The following ITGA10 variants were observed in gnomAD, a reference collection of about 807,000 sequenced individuals.
ITGA10 encodes integrin subunit alpha 10.
A neutral mutation model predicts 145.2 loss-of-function variants in ITGA10; 105 were observed. The ratio of observed to expected loss-of-function variants is 0.72; its 90% confidence interval spans 0.62 to 0.85. ITGA10 has a LOEUF of 0.85. ITGA10 is among the 40% of genes least tolerant of loss of function. The probability of loss-of-function intolerance (pLI) is 0.00; values close to 1 mark genes in which losing one functional copy is unlikely to be tolerated. For synonymous variants in ITGA10, 506 were observed against 557.8 expected, an observed-to-expected ratio of 0.91 and a Z score of 1.31; for missense variants, 1,317 against 1,444.5, an observed-to-expected ratio of 0.91 and a Z score of 1.43.
At chr1:145,895,242 G>C in intron 27 of ITGA10, 38 bp downstream of exon 27, 1 of 1,439,704 alleles carries the variant, frequency 6.9e-7, no homozygotes, top group Non-Finnish European at 9.7e-7. Context: ...TTCCAGAAAG[G>C]AGCAGAAGTG....
chr1:145,893,085 G>T, intron 29 of ITGA10, 76 bp downstream of exon 29: 2 of 1,182,514 alleles, frequency 1.7e-6, no homozygotes, highest in Non-Finnish European at 2.5e-6. Flanking sequence ...CACAAATCCT[G>T]TTCTCTCTGC....
At chr1:145,895,050 C>T (rs60252179) in intron 27 of ITGA10, among the ~76,000 whole-genome samples, 1 of 152,074 alleles carries the variant, frequency 6.6e-6, no homozygotes, top group Non-Finnish European at 1.5e-5. Flanking sequence ...CACCATATGT[C>T]CAGCTCATTA....
intron 26 of ITGA10, 38 bp from the exon 27 acceptor site, chr1:145,895,431 G>A (rs1570841541): frequency 6.5e-7 from 1 of 1,548,226 alleles, no homozygotes. Context: ...TCAGGACTCT[G>A]GGGTAGAAAC....
rs1553746423 is a variant in ITGA10, at chr1:145,898,852, T to G, written c.2232+84A>C. The G allele has an allele frequency of 2.7e-6, 4 of 1,494,190 alleles. No homozygotes were observed. In the East Asian group the frequency reaches 9.1e-5, roughly 34 times the overall value. 92.6% of individuals were successfully genotyped at this position (1,494,190 alleles called of 1,614,324 possible). A position where few individuals can be genotyped will look rare whatever the true frequency, so the allele number is the denominator to read the frequency against. On this transcript the variant is annotated intron_variant, in intron 17 of 29. Transcript: ENST00000369304. ...ATTTTCCCGGCTTTGGCTTTCTTGC[T>G]GATTCAGCTAAAATTCCTCCTCTGA...
At chr1:145,892,898 C>T in intron 29 of ITGA10, 35 bp from the exon 30 acceptor site, 1 of 1,560,380 alleles carries the variant, frequency 6.4e-7, no homozygotes, top group Non-Finnish European at 8.8e-7. Context: ...CTGCCAAATG[C>T]CTAGACTGGG....
rs185073199 is a variant in ITGA10, at chr1:145,898,360, A to T, written c.2233-137T>A. 2,887 of 354,640 alleles carry T rather than the reference A, an allele frequency of 8.1e-3. 27 individuals are homozygous for T. The highest frequency in any genetic ancestry group is 8.4e-3 in the Non-Finnish European group (1,666 of 197,704). 22.0% of individuals were successfully genotyped at this position (354,640 alleles called of 1,614,324 possible). ...TATTACTAAATTTAATTAATTAGTT[A>T]ATTTATTTATTTATTTATTTATTTT... On this transcript the variant is annotated intron_variant, in intron 17 of 29. Coordinates refer to ENST00000369304, the MANE Select transcript of ITGA10 (RefSeq NM_003637.5).
At chr1:145,900,380 GC>G (rs1157299662) in intron 14 of ITGA10, among the ~76,000 whole-genome samples, 193 bp from the exon 15 acceptor site, 1 of 152,130 alleles carries the variant, frequency 6.6e-6, no homozygotes, top group Non-Finnish European at 1.5e-5. Flanking sequence ...CGATTCTCCT[GC>G]CCTAGCCTCC....
At position 145,897,625 on chromosome 1, in the gene ITGA10, G is replaced by A. The variant is rs782220248; in HGVS notation, c.2461C>T (p.Arg821Trp). 24 of 1,614,030 alleles carry A rather than the reference G, an allele frequency of 1.5e-5. No individual in the cohort carries two copies. Among genetic ancestry groups the A allele is most frequent in the Middle Eastern group, 1.6e-4 (1 of 6,062 alleles). The change falls in exon 20 of 30, where the codon CGG becomes TGG. Residue 821 changes from arginine to tryptophan, a missense_variant. Arg to Trp is a moderately radical substitution (Grantham distance 101). Coordinates refer to ENST00000369304, the MANE Select transcript of ITGA10 (RefSeq NM_003637.5). The part of the protein sequence containing the change: ...RKAPFVVRGG[R>W]RKVLVSTTLE... ...GTTGTAGATACCAGCACTTTCCGCCGGCCACCTCGAACCACAAATGGGGCC... is the reference window on the plus strand; with the variant it reads ...GTTGTAGATACCAGCACTTTCCGCCAGCCACCTCGAACCACAAATGGGGCC...
At position 145,904,036 on chromosome 1, in the gene ITGA10, C is replaced by T; in HGVS notation, c.758+16G>A. ...CATTGCTCTAGCCTCCCACACCTGT[C>T]TTCCCAATGCCTCACCAGGCCACCA... On this transcript the variant is annotated intron_variant, in intron 7 of 29. Transcript: ENST00000369304. 1 of 1,613,624 alleles carries T rather than the reference C, an allele frequency of 6.2e-7. No individual in the cohort carries two copies. Among genetic ancestry groups the T allele is most frequent in the Admixed American group, 1.7e-5 (1 of 59,996 alleles).
chr1:145,892,875 A>C lies in ITGA10; in HGVS notation c.3439-12T>G. 2.5e-6 allele frequency: 4 copies of C among 1,611,852 alleles called. No homozygotes were observed. Among genetic ancestry groups the C allele is most frequent in the Non-Finnish European group, 3.4e-6 (4 of 1,177,908 alleles). ...GCAAAGAAGCCAAGCTGTAGAAGAAAAGATAAGCGTCACTGCCAAATGCCT... is the reference window on the plus strand; with the variant it reads ...GCAAAGAAGCCAAGCTGTAGAAGAACAGATAAGCGTCACTGCCAAATGCCT... On this transcript the variant is annotated splice_polypyrimidine_tract_variant and intron_variant, in intron 29 of 29. Transcript: ENST00000369304.
chr1:145,900,152 G>A lies in ITGA10; in HGVS notation c.1827C>T (p.Ser609=), dbSNP rs587709543. ...IAAASMPHAL[S]YFGRSVDGRL... ...GACCATCCACACTTCGGCCAAAGTA[G>A]CTGAGGGCATGTGGCATGGAGGCAG... Residue 609 remains serine, a synonymous_variant, in exon 15 of 30, where the codon AGC becomes AGT. Transcript: ENST00000369304. 6.2e-7 allele frequency: 1 copy of A among 1,614,036 alleles called. No individual in the cohort carries two copies. Among genetic ancestry groups the A allele is most frequent in the East Asian group, 2.2e-5 (1 of 44,868 alleles).
intron 1 of ITGA10, 93 bp from the exon 2 acceptor site, chr1:145,907,558 C>T (rs927994786): frequency 1.3e-6 from 2 of 1,555,338 alleles, no homozygotes; most frequent in African/African-American, 1.4e-5. Flanking sequence ...TAATCTCAGT[C>T]TGCCTGCCTG....
Position 145,893,041 on chromosome 1 carries a change from G to T in ITGA10, c.3438+120C>A, listed in dbSNP as rs1553743707. 7.7e-6 allele frequency: 7 copies of T among 909,006 alleles called. No individual in the cohort carries two copies. The East Asian group carries it at 1.2e-4, about 16-fold the overall frequency. The allele number at this position is 909,006 out of a possible 1,614,324, so 56.3% of individuals were successfully genotyped here. A position where few individuals can be genotyped will look rare whatever the true frequency, so the allele number is the denominator to read the frequency against. On this transcript the variant is annotated intron_variant, in intron 29 of 29. Coordinates refer to ENST00000369304, the MANE Select transcript of ITGA10 (RefSeq NM_003637.5). ...TTGTGGGGTACAGTGAAGGAGATCT[G>T]GGCATGACATCCACAGCCTGGTTAG...
At position 145,901,684 on chromosome 1, in the gene ITGA10, C is replaced by G. The variant is rs1656341102; in HGVS notation, c.1295-20G>C. 1.3e-6 allele frequency: 2 copies of G among 1,544,666 alleles called. No individual in the cohort carries two copies. The highest frequency in any genetic ancestry group is 1.4e-5 in the African/African-American group (1 of 72,436). ...AGTAACCTAGAAGTGGGCAAAGTAA[C>G]AGAGGTAAAGGAAAAGAAGATGGGG... On this transcript the variant is annotated intron_variant, in intron 11 of 29. Transcript: ENST00000369304. The surrounding 1 kb of genome is among the most constrained non-coding windows in gnomAD (Gnocchi z 4.3).
chr1:145,899,078 T>C lies in ITGA10; in HGVS notation c.2090A>G (p.Tyr697Cys), dbSNP rs781798293. Residue 697 changes from tyrosine (Y) to cysteine (C), a missense_variant and splice_region_variant, in exon 17 of 30, where the codon TAC becomes TGC. By Grantham distance (194) the Tyr-to-Cys change is radical. Coordinates refer to ENST00000369304, the MANE Select transcript of ITGA10 (RefSeq NM_003637.5). ...RTPGRWDHQF[Y>C]MRFTASLDEW... The stretch of plus-strand genomic sequence containing the variant: ...ATCCAGTGATGCGGTGAACCTCATG[T>C]CTGAATGAAGGAGGCAAGAGTGAGG... 6.2e-7 allele frequency: 1 copy of C among 1,614,178 alleles called. No individual in the cohort carries two copies. The highest frequency in any genetic ancestry group is 8.5e-7 in the Non-Finnish European group (1 of 1,180,040).
intron 1 of ITGA10, among the ~76,000 whole-genome samples, chr1:145,908,933 A>C (rs1206598429): frequency 6.6e-6 from 1 of 152,140 alleles, no homozygotes; most frequent in Non-Finnish European, 1.5e-5. Context: ...CAGACTAGCC[A>C]CGTGGAAGGT....
At chr1:145,903,590 T>C (rs1656684758) in intron 7 of ITGA10, among the ~76,000 whole-genome samples, 1 of 151,900 alleles carries the variant, frequency 6.6e-6, no homozygotes, top group African/African-American at 2.4e-5. Context: ...AAAGAAAGTA[T>C]GCAAGACATC....
In ITGA10 at chr1:145,901,110, G is replaced by T; in HGVS notation, c.1587+25C>A. The T allele has an allele frequency of 6.2e-7, 1 of 1,613,520 alleles. No homozygotes were observed. Among genetic ancestry groups the T allele is most frequent in the Non-Finnish European group, 8.5e-7 (1 of 1,179,770 alleles). On this transcript the variant is annotated intron_variant, in intron 13 of 29. Coordinates refer to ENST00000369304, the MANE Select transcript of ITGA10 (RefSeq NM_003637.5). This position sits in a 1 kb window ranked among gnomAD's most constrained non-coding sequence, Gnocchi z 4.3. ...CTCCACCCCCACAATGCAAGTCCAG[G>T]GCAGGGGGTCCCAGCAAGTCTCACC...
intron 25 of ITGA10, 134 bp from the exon 26 acceptor site, chr1:145,895,845 G>T: frequency 9.8e-7 from 1 of 1,017,954 alleles, no homozygotes; most frequent in Non-Finnish European, 1.5e-6. Context: ...TAAGCCACAT[G>T]TGTAAAAAGA....
Sources: gnomAD v4.1 joint callset for allele counts (sites outside exome capture counted in the v4.1 genomes callset) on GRCh38, gnomAD v4.1.1 for gene constraint, Gnocchi (gnomAD v3.1) non-coding constraint, MANE v1.5 for transcripts, NCBI Gene and HGNC (gene_info 2026-07-23, HGNC 2026-07-21) for gene names.